MBNL1: variants seen among roughly 807,000 people sequenced by gnomAD.
MBNL1 encodes the protein muscleblind-like protein 1.
MBNL1 carries 8 observed loss-of-function variants against 42.2 expected under a neutral mutation model. The observed-to-expected ratio is 0.19, with a 90% CI of 0.11 to 0.34. The LOEUF is 0.34. Ranked by LOEUF, MBNL1 falls within the 10% of genes least tolerant of loss-of-function variation. MBNL1 has a pLI of 1.00. For synonymous variants in MBNL1, 169 were observed against 173.9 expected, an observed-to-expected ratio of 0.97 and a Z score of 0.22; for missense variants, 309 against 495.3, an observed-to-expected ratio of 0.62 and a Z score of 3.57.
At chr3:152,340,891 G>C (rs1026552798) in intron 2 of MBNL1, 2 of 1,611,142 alleles carry the variant, frequency 1.2e-6, no homozygotes, top group Non-Finnish European at 1.7e-6. Context: ...CTGTGGGCCA[G>C]GGTCCATCTG....
At chr3:152,410,430 GA>G (rs2098539876) in intron 2 of MBNL1, among the ~76,000 whole-genome samples, 1 of 152,160 alleles carries the variant, frequency 6.6e-6, no homozygotes, top group Admixed American at 6.5e-5. Flanking sequence ...ACTTTTAATT[GA>G]AAAGTACAGA....
intron 2 of MBNL1, among the ~76,000 whole-genome samples, chr3:152,373,605 C>T (rs908699794): frequency 6.6e-6 from 1 of 151,972 alleles, no homozygotes; most frequent in Non-Finnish European, 1.5e-5. Flanking sequence ...AGGTGATGCA[C>T]CCCCCCTGCT....
In MBNL1 at chr3:152,251,597, CT is replaced by C. The variant is rs561713927; in HGVS notation, n.333+7165del. 8.7e-3 allele frequency among the ~76,000 whole-genome samples: 1,321 copies of C among 151,926 alleles called. 20 individuals carry two copies. The highest frequency in any genetic ancestry group is 0.03 in the African/African-American group (1,244 of 41,464). On this transcript the variant is annotated intron_variant and non_coding_transcript_variant, in intron 2 of 2. Coordinates refer to the MBNL1 transcript ENST00000477171. ...TTTTAATCATTATGGCATATTCACT[CT>C]TTTTTTTCATTTTAATAAAGTGCTC...
intron 4 of MBNL1, among the ~76,000 whole-genome samples, chr3:152,442,108 G>A (rs2099153153): frequency 6.6e-6 from 1 of 152,078 alleles, no homozygotes; most frequent in Admixed American, 6.5e-5. Flanking sequence ...ATATTTTTAT[G>A]TGTTGACCCA....
At chr3:152,422,364 A>C (rs1368314357) in intron 3 of MBNL1, among the ~76,000 whole-genome samples, 1 of 152,138 alleles carries the variant, frequency 6.6e-6, no homozygotes, top group East Asian at 1.9e-4. Context: ...AGGGCATTAC[A>C]TAATGGTAAA....
chr3:152,326,072 A>G (rs1456760063), intron 2 of MBNL1, among the ~76,000 whole-genome samples: 1 of 152,174 alleles, frequency 6.6e-6, no homozygotes, highest in Non-Finnish European at 1.5e-5. Flanking sequence ...TCTGACAGTT[A>G]AGAACTTATT....
At chr3:152,411,001 T>TA (rs1215453134) in intron 2 of MBNL1, among the ~76,000 whole-genome samples, 1 of 152,246 alleles carries the variant, frequency 6.6e-6, no homozygotes, top group Non-Finnish European at 1.5e-5. Context: ...GGCTGCCTAT[T>TA]ACGACAGGTG....
At chr3:152,402,414 A>G (rs975593095) in intron 2 of MBNL1, among the ~76,000 whole-genome samples, 1 of 152,210 alleles carries the variant, frequency 6.6e-6, no homozygotes, top group Non-Finnish European at 1.5e-5. Flanking sequence ...CTGTTCATAA[A>G]TATCAAAGTT....
chr3:152,367,895 TA>T (rs2096484221), intron 2 of MBNL1, among the ~76,000 whole-genome samples: 1 of 152,198 alleles, frequency 6.6e-6, no homozygotes, highest in African/African-American at 2.4e-5. Context: ...TAAATTTGTT[TA>T]AGTTTCTTGT....
chr3:152,264,540 C>A (rs890120679), upstream of MBNL1: 3 of 152,022 alleles, frequency 2.0e-5, no homozygotes, highest in Non-Finnish European at 4.4e-5. Context: ...AAATGAATGG[C>A]CTGAGAGAGT....
At chr3:152,448,273 T>C (rs530286462) in intron 6 of MBNL1, among the ~76,000 whole-genome samples, 62 of 152,288 alleles carry the variant, frequency 4.1e-4, no homozygotes, top group Non-Finnish European at 7.8e-4. Context: ...ATCAGTACAC[T>C]GTTTAAAATT....
At chr3:152,326,002 A>G (rs2079787336) in intron 2 of MBNL1, among the ~76,000 whole-genome samples, 1 of 152,152 alleles carries the variant, frequency 6.6e-6, no homozygotes, top group Admixed American at 6.6e-5. Context: ...TTACCCCTGT[A>G]GCATGTTAAA....
chr3:152,415,182 T>C, intron 3 of MBNL1, 71 bp downstream of exon 3: 2 of 1,363,514 alleles, frequency 1.5e-6, no homozygotes, highest in African/African-American at 1.5e-5. Flanking sequence ...CTAAAGTGAT[T>C]ATTGCACCGG....
chr3:152,361,984 CT>C (rs1490409001), intron 2 of MBNL1, among the ~76,000 whole-genome samples: 1 of 152,104 alleles, frequency 6.6e-6, no homozygotes, highest in Non-Finnish European at 1.5e-5. Flanking sequence ...GTTTCTGCAG[CT>C]AATATTGCTG....
intron 2 of MBNL1, among the ~76,000 whole-genome samples, chr3:152,319,022 A>G (rs1021677232): frequency 2.0e-5 from 3 of 152,106 alleles, no homozygotes; most frequent in African/African-American, 7.2e-5. Context: ...AAAAATTGAG[A>G]TTCAGTTGTG....
intron 2 of MBNL1, among the ~76,000 whole-genome samples, chr3:152,352,122 A>T (rs993756847): frequency 2.0e-5 from 3 of 152,180 alleles, no homozygotes; most frequent in African/African-American, 7.2e-5. Flanking sequence ...GTAAAGCTAT[A>T]AAATGTGTTA....
intron 2 of MBNL1, among the ~76,000 whole-genome samples, chr3:152,332,639 G>A (rs902656780): frequency 3.9e-5 from 6 of 152,062 alleles, no homozygotes; most frequent in Non-Finnish European, 8.8e-5. Flanking sequence ...AATTCTGACA[G>A]AGGGGAGGTG....
chr3:152,250,457 G>A (rs1361999630), intron 2 of MBNL1, among the ~76,000 whole-genome samples: 1 of 151,828 alleles, frequency 6.6e-6, no homozygotes, highest in African/African-American at 2.4e-5. Context: ...TGTGATTTTT[G>A]TGCATTGATT....
intron 1 of MBNL1, among the ~76,000 whole-genome samples, chr3:152,291,145 A>G (rs2055723716): frequency 6.6e-6 from 1 of 152,182 alleles, no homozygotes; most frequent in Non-Finnish European, 1.5e-5. Flanking sequence ...TCTCTTGTAG[A>G]ACAATTAAGT....
Sources: gnomAD v4.1 joint callset for allele counts (sites outside exome capture counted in the v4.1 genomes callset) on GRCh38, gnomAD v4.1.1 for gene constraint, MANE v1.5 for transcripts, NCBI Gene and HGNC (gene_info 2026-07-23, HGNC 2026-07-21) for gene names.